The following SCN8A variants were observed in gnomAD, a reference collection of about 807,000 sequenced individuals.
SCN8A encodes sodium channel protein type 8 subunit alpha.
SCN8A carries 30 observed loss-of-function variants against 184.1 expected under a neutral mutation model. The ratio of observed to expected loss-of-function variants is 0.16; its 90% CI spans 0.12 to 0.22. SCN8A has a LOEUF of 0.22. Among genes scored for constraint, SCN8A ranks in the 10% least tolerant of loss-of-function variants. The probability of loss-of-function intolerance (pLI) is 1.00; values close to 1 mark genes in which losing one functional copy is unlikely to be tolerated. For missense variants in SCN8A, 1,057 were observed against 2,498.9 expected, an observed-to-expected ratio of 0.42 and a Z score of 12.30; for synonymous variants, 852 against 907.0, an observed-to-expected ratio of 0.94 and a Z score of 1.09.
At chr12:51,621,926 C>T (rs1036067997) in intron 1 of SCN8A, among the ~76,000 whole-genome samples, 3 of 152,182 alleles carry the variant, frequency 2.0e-5, no homozygotes, top group African/African-American at 7.2e-5. Context: ...AAGCATCTGA[C>T]CGTGAATGTG....
intron 26 of SCN8A, among the ~76,000 whole-genome samples, chr12:51,802,882 T>A (rs1938594816): frequency 6.6e-6 from 1 of 152,196 alleles, no homozygotes; most frequent in African/African-American, 2.4e-5. Flanking sequence ...GTAGAGTCCT[T>A]AGCATTTTTG....
intron 2 of SCN8A, among the ~76,000 whole-genome samples, chr12:51,664,380 GT>G (rs1940989620): frequency 1.3e-5 from 2 of 151,938 alleles, no homozygotes; most frequent in African/African-American, 4.8e-5. Flanking sequence ...GCTAATTTTT[GT>G]ATTTTTAGTA....
At chr12:51,613,971 G>A (rs1399481157) in intron 1 of SCN8A, among the ~76,000 whole-genome samples, 5 of 152,204 alleles carry the variant, frequency 3.3e-5, no homozygotes, top group African/African-American at 4.8e-5. Context: ...ACCAAGATAT[G>A]ATCTAGCTTG....
Position 51,768,927 on chromosome 12 carries a change from A to G in SCN8A, c.2964A>G (p.Thr988=), listed in dbSNP as rs905726989. 6 of 1,603,444 alleles carry G rather than the reference A, an allele frequency of 3.7e-6. No homozygotes were observed. Among genetic ancestry groups the G allele is most frequent in the Non-Finnish European group, 5.1e-6 (6 of 1,171,814 alleles). ...TCAGTGCAGACAACCTGGCTGCCAC[A>G]GATGACGATGGGGAAATGAACAACC... The part of the protein sequence containing the change: ...SSFSADNLAA[T]DDDGEMNNLQ... Residue 988 remains threonine, a synonymous_variant, in exon 17 of 27, where the codon ACA becomes ACG. Coordinates refer to ENST00000627620, the MANE Select transcript of SCN8A (RefSeq NM_001330260.2).
rs770747359 is a variant in SCN8A at position 51,769,859 on chromosome 12, C to T, written c.3373-9C>T. On this transcript the variant is annotated splice_polypyrimidine_tract_variant and intron_variant, in intron 17 of 26. Transcript: ENST00000627620. ...AGCTGCCTGATCTCCCTTTTCCTTG[C>T]GTGTCTAGAAACTAGATGACACCAG... 95 of 1,565,760 alleles carry T rather than the reference C, an allele frequency of 6.1e-5. No homozygotes were observed. The highest frequency in any genetic ancestry group is 2.2e-4 in the African/African-American group (16 of 73,888).
At chr12:51,647,607 G>T (rs1940619494) in intron 1 of SCN8A, among the ~76,000 whole-genome samples, 1 of 152,254 alleles carries the variant, frequency 6.6e-6, no homozygotes, top group African/African-American at 2.4e-5. Flanking sequence ...ATGTTATCAA[G>T]AGAGGCTGAA....
chr12:51,707,215 T>G (rs938404075), intron 11 of SCN8A, among the ~76,000 whole-genome samples: 2 of 152,272 alleles, frequency 1.3e-5, no homozygotes, highest in African/African-American at 4.8e-5. Context: ...ACTGACTTTC[T>G]TTTAGTTATA....
chr12:51,805,392 C>T (rs755850370), intron 26 of SCN8A, among the ~76,000 whole-genome samples: 4 of 150,392 alleles, frequency 2.7e-5, no homozygotes, highest in South Asian at 2.1e-4. Flanking sequence ...AAGACCAGCC[C>T]GGGCAACATA....
chr12:51,630,473 C>T (rs758366186), intron 1 of SCN8A, among the ~76,000 whole-genome samples: 10 of 152,022 alleles, frequency 6.6e-5, no homozygotes, highest in Admixed American at 1.3e-4. Context: ...AATAATATTC[C>T]GTTGTGTGCA....
chr12:51,641,692 T>G (rs1940457558), intron 1 of SCN8A, among the ~76,000 whole-genome samples: 1 of 152,224 alleles, frequency 6.6e-6, no homozygotes. Flanking sequence ...GACCAATGCG[T>G]GTCCCACATC....
intron 1 of SCN8A, among the ~76,000 whole-genome samples, chr12:51,640,913 T>C (rs572236204): frequency 1.3e-5 from 2 of 152,342 alleles, no homozygotes; most frequent in Admixed American, 1.3e-4. Context: ...TAATTTTTCC[T>C]ATAGGATCTT....
chr12:51,650,489 G>A (rs896801837), intron 1 of SCN8A, among the ~76,000 whole-genome samples: 26 of 150,596 alleles, frequency 1.7e-4, no homozygotes, highest in African/African-American at 5.6e-4. Flanking sequence ...CGATCATGGC[G>A]GGAGGCAAAA....
chr12:51,704,342 A>T (rs959522424), intron 9 of SCN8A, among the ~76,000 whole-genome samples: 2 of 151,846 alleles, frequency 1.3e-5, no homozygotes, highest in Non-Finnish European at 2.9e-5. Context: ...AACTCATCCT[A>T]TTGCAAAAGA....
rs1324138435 is a variant in SCN8A, at chr12:51,756,227, A to C, written c.2370+4634A>C. 3.3e-5 allele frequency among the ~76,000 whole-genome samples: 5 copies of C among 151,234 alleles called. No homozygotes were observed. The East Asian group carries it at 9.9e-4, about 30-fold the overall frequency. On this transcript the variant is annotated intron_variant, in intron 14 of 26. Transcript: ENST00000627620. Reference sequence around the variant, plus strand: ...CATGCTGCCATCTGTCTGTGTGAACACTCCTGGAAGTTCTCACCTGGCCCA... The same window carrying C: ...CATGCTGCCATCTGTCTGTGTGAACCCTCCTGGAAGTTCTCACCTGGCCCA...
chr12:51,598,213 A>C (rs1461708927), intron 1 of SCN8A, among the ~76,000 whole-genome samples: 7 of 152,166 alleles, frequency 4.6e-5, no homozygotes. Context: ...AAGCAAAAGA[A>C]GGTGAATGAC....
intron 14 of SCN8A, among the ~76,000 whole-genome samples, chr12:51,752,600 A>G (rs1942613121): frequency 6.6e-6 from 1 of 152,138 alleles, no homozygotes; most frequent in Non-Finnish European, 1.5e-5. Flanking sequence ...TCCAGTCTCC[A>G]TGTCTGTGGT....
At chr12:51,791,193 T>G (rs11834760) in intron 25 of SCN8A, among the ~76,000 whole-genome samples, 3,101 of 152,114 alleles carry the variant, frequency 0.02, 99 homozygotes, top group African/African-American at 0.068. Flanking sequence ...TTTAGCAACT[T>G]TAAAAAACAG....
At chr12:51,605,012 A>G (rs1278344496) in intron 1 of SCN8A, among the ~76,000 whole-genome samples, 1 of 152,124 alleles carries the variant, frequency 6.6e-6, no homozygotes, top group Non-Finnish European at 1.5e-5. Flanking sequence ...TCCACCCTAA[A>G]GTAGGCCCAG....
chr12:51,713,218 A>T, intron 11 of SCN8A: 2 of 1,160,310 alleles, frequency 1.7e-6, no homozygotes, highest in Admixed American at 3.4e-5. Flanking sequence ...AATACCACCA[A>T]CAAAAATTTT....
Sources: allele counts gnomAD v4.1 joint callset (sites outside exome capture counted in the v4.1 genomes callset), GRCh38; gene constraint gnomAD v4.1.1; transcripts MANE v1.5; gene names NCBI Gene and HGNC (gene_info 2026-07-23, HGNC 2026-07-21).